CDC42BPB: variants seen among roughly 807,000 people sequenced by gnomAD.
CDC42BPB encodes serine/threonine-protein kinase MRCK beta.
A neutral mutation model predicts 214.9 loss-of-function variants in CDC42BPB; 37 were observed. The observed-to-expected ratio is 0.17, with a 90% CI of 0.13 to 0.23. The LOEUF is 0.23. CDC42BPB is among the 10% of genes least tolerant of loss of function. The probability of loss-of-function intolerance (pLI) is 1.00; values close to 1 mark genes in which losing one functional copy is unlikely to be tolerated. For synonymous variants in CDC42BPB, 931 were observed against 884.0 expected (o/e 1.05, Z -0.94); for missense variants, 1,694 against 2,227.0 (o/e 0.76, Z 4.82).
chr14:102,958,970 T>A (rs1223755471), intron 21 of CDC42BPB, among the ~76,000 whole-genome samples: 2 of 125,588 alleles, frequency 1.6e-5, no homozygotes. Context: ...ACTGCACCCA[T>A]CCCAGTGTGA....
intron 30 of CDC42BPB, chr14:102,940,552 C>T: frequency 2.4e-6 from 3 of 1,255,960 alleles, no homozygotes; most frequent in Admixed American, 5.8e-5. Flanking sequence ...ACTTCCGTAA[C>T]TAATATTTTG....
intron 1 of CDC42BPB, among the ~76,000 whole-genome samples, chr14:103,016,651 G>A (rs987790092): frequency 6.6e-6 from 1 of 152,128 alleles, no homozygotes; most frequent in African/African-American, 2.4e-5. Flanking sequence ...GTTCCTCACT[G>A]TCCAAGTGAG....
intron 1 of CDC42BPB, among the ~76,000 whole-genome samples, chr14:103,053,291 G>C (rs1341908997): frequency 6.6e-6 from 1 of 151,914 alleles, no homozygotes; most frequent in Admixed American, 6.6e-5. Flanking sequence ...AGGTTGCAGT[G>C]AGCCAAGATC....
rs749965334 is a variant in CDC42BPB at position 102,967,130 on chromosome 14, T to C, written c.2387A>G (p.Gln796Arg). The C allele has an allele frequency of 3.7e-6, 6 of 1,614,216 alleles. No individual in the cohort carries two copies. The highest frequency in any genetic ancestry group is 5.1e-6 in the Non-Finnish European group (6 of 1,180,004). ...FVDKLTAQNR[Q>R]LEDELQDLAA... ...CAGATCCTGCAGCTCATCCTCCAGC[T>C]GTCTATTTTGAGCTGTGAGTTTATC... Residue 796 changes from glutamine to arginine, a missense_variant, in exon 17 of 37, where the codon CAG becomes CGG. Gln to Arg is a conservative substitution (Grantham distance 43). Around this residue, in one of 7 missense-constraint regions of CDC42BPB, gnomAD observed 462 missense variants for 513.5 expected, o/e 0.90. Coordinates refer to ENST00000361246, the MANE Select transcript of CDC42BPB (RefSeq NM_006035.4).
At chr14:102,940,388 C>T (rs970636934) in intron 30 of CDC42BPB, 64 bp from the exon 31 acceptor site, 38 of 1,546,696 alleles carry the variant, frequency 2.5e-5, no homozygotes, top group East Asian at 7.3e-5. Flanking sequence ...GCCCTCGGGC[C>T]GGAGGCCAAG....
chr14:103,057,470 C>T lies in CDC42BPB; in HGVS notation c.-297G>A. ...CCGCCCTCAGCCCCGCCCGCGGCCG[C>T]GCCCTCCCCGCCGCCGCCGCCGCAG... On this transcript the variant is annotated 5_prime_UTR_variant, in exon 1 of 37. Coordinates refer to ENST00000361246, the MANE Select transcript of CDC42BPB (RefSeq NM_006035.4). 4.2e-6 allele frequency: 1 copy of T among 240,246 alleles called. No homozygotes were observed. Among genetic ancestry groups the T allele is most frequent in the Non-Finnish European group, 6.6e-6 (1 of 151,062 alleles). The allele number at this position is 240,246 out of a possible 1,614,324, so 14.9% of individuals were successfully genotyped here.
At chr14:102,982,632 G>A (rs1243709185) in intron 7 of CDC42BPB, among the ~76,000 whole-genome samples, 1 of 152,212 alleles carries the variant, frequency 6.6e-6, no homozygotes, top group Non-Finnish European at 1.5e-5. Context: ...TTAGCCAGGT[G>A]TTGTGGCAGG....
rs1009979879 is a variant in CDC42BPB at position 102,969,377 on chromosome 14, C to A, written c.1996-661G>T. ...CAGCTGCGGAGCCACGGAGGCCCTG[C>A]CGCACAGGAATGTGATCCGGCTTTG... On this transcript the variant is annotated intron_variant, in intron 14 of 36. Coordinates refer to ENST00000361246, the MANE Select transcript of CDC42BPB (RefSeq NM_006035.4). 4.6e-5 allele frequency among the ~76,000 whole-genome samples: 7 copies of A among 152,246 alleles called. No homozygotes were observed. In the East Asian group the frequency reaches 1.4e-3, roughly 29 times the overall value.
rs532859618 is a variant in CDC42BPB at position 102,946,348 on chromosome 14, G to A, written c.3748+120C>T. 5.4e-6 allele frequency: 6 copies of A among 1,109,758 alleles called. No homozygotes were observed. The East Asian group carries it at 1.0e-4, about 19-fold the overall frequency. 68.7% of individuals were successfully genotyped at this position (1,109,758 alleles called of 1,614,324 possible). ...TCGTCTGCTTCTTAACATGCATGGA[G>A]AAACTGTCTACAAACCCAAATGGAC... On this transcript the variant is annotated intron_variant, in intron 28 of 36. Coordinates refer to ENST00000361246, the MANE Select transcript of CDC42BPB (RefSeq NM_006035.4).
chr14:102,958,413 C>T (rs1243702119), intron 21 of CDC42BPB, among the ~76,000 whole-genome samples: 2 of 152,328 alleles, frequency 1.3e-5, no homozygotes, highest in South Asian at 2.1e-4. Context: ...TCTTCCCACT[C>T]GCCTGCAGGG....
intron 11 of CDC42BPB, chr14:102,974,366 C>T: frequency 2.0e-6 from 2 of 985,040 alleles, no homozygotes; most frequent in Middle Eastern, 5.2e-4. Context: ...AACAGGCTCC[C>T]TAGACTTTAC....
chr14:102,972,051 C>A lies in CDC42BPB; in HGVS notation c.1752G>T (p.Met584Ile). The A allele has an allele frequency of 1.9e-6, 3 of 1,614,288 alleles. No homozygotes were observed. Among genetic ancestry groups the A allele is most frequent in the Non-Finnish European group, 2.5e-6 (3 of 1,180,050 alleles). The stretch of plus-strand genomic sequence containing the variant: ...TCTGCTTCTGGGCACGGAGCTCTGC[C>A]ATGCGCTCGTTCAGCTCCGAGAACT... ...LQEFSELNER[M>I]AELRAQKQKV... is the part of the protein sequence containing the mutation. The change falls in exon 13 of 37, where the codon ATG becomes ATT. Residue 584 changes from methionine (M) to isoleucine (I), a missense_variant. By Grantham distance (10) the Met-to-Ile change is conservative. Transcript: ENST00000361246.
intron 3 of CDC42BPB, among the ~76,000 whole-genome samples, chr14:103,005,858 A>ATTAGT (rs1885776419): frequency 6.6e-6 from 1 of 151,942 alleles, no homozygotes; most frequent in Admixed American, 6.6e-5. Flanking sequence ...CGTCTCTACT[A>ATTAGT]AAAGTACAAA....
intron 4 of CDC42BPB, 142 bp from the exon 5 acceptor site, chr14:102,999,855 A>G (rs1894899784): frequency 2.1e-6 from 3 of 1,460,952 alleles, no homozygotes; most frequent in African/African-American, 1.4e-5. Context: ...GTCACCCAAG[A>G]CCCTCCTTCT....
chr14:102,981,936 G>A (rs537323166), intron 7 of CDC42BPB, among the ~76,000 whole-genome samples: 20 of 152,064 alleles, frequency 1.3e-4, no homozygotes, highest in African/African-American at 1.5e-4. Flanking sequence ...GAGGTCTGCC[G>A]AGGCCACACA....
chr14:102,996,072 G>C (rs1387498034), intron 5 of CDC42BPB, among the ~76,000 whole-genome samples: 1 of 152,234 alleles, frequency 6.6e-6, no homozygotes, highest in Non-Finnish European at 1.5e-5. Flanking sequence ...AATGAGGATG[G>C]CTCACGCCTG....
At chr14:103,000,934 G>A (rs552592453) in intron 4 of CDC42BPB, among the ~76,000 whole-genome samples, 26 of 152,314 alleles carry the variant, frequency 1.7e-4, no homozygotes, top group East Asian at 9.6e-4. Flanking sequence ...CAGACTCCAC[G>A]CCCATCACAT....
At chr14:102,959,549 CAT>C in intron 21 of CDC42BPB, 80 bp downstream of exon 21, 1 of 930,166 alleles carries the variant, frequency 1.1e-6, no homozygotes, top group South Asian at 1.5e-5. Context: ...TTTGTGGCCC[CAT>C]GAGTGGTAAA....
intron 36 of CDC42BPB, among the ~76,000 whole-genome samples, chr14:102,937,811 G>A (rs1353875565): frequency 6.6e-6 from 1 of 152,252 alleles, no homozygotes; most frequent in African/African-American, 2.4e-5. Context: ...AACACAGGGA[G>A]TCCAGAGGAA....
Sources: gnomAD v4.1 joint callset for allele counts (sites outside exome capture counted in the v4.1 genomes callset) on GRCh38, gnomAD v4.1.1 for gene constraint, gnomAD v4.1.1 regional missense constraint, MANE v1.5 for transcripts, NCBI Gene and HGNC (gene_info 2026-07-23, HGNC 2026-07-21) for gene names.